Variants in KCNQ2 observed in about 807,000 individuals in gnomAD.
The protein encoded by KCNQ2 is potassium voltage-gated channel subfamily Q member 2.
Under a neutral mutation model 84.8 loss-of-function variants are expected in KCNQ2, and 14 were observed. The ratio of observed to expected loss-of-function variants is 0.17; its 90% CI spans 0.11 to 0.26. The LOEUF (loss-of-function observed/expected upper bound fraction) is 0.26. Among genes scored for constraint, KCNQ2 ranks in the 10% least tolerant of loss-of-function variants. KCNQ2 has a pLI of 1.00. For missense variants in KCNQ2, 788 were observed against 1,254.0 expected (o/e 0.63, Z 5.61); for synonymous variants, 599 against 554.1 (o/e 1.08, Z -1.14).
chr20:63,442,927 C>T (rs1467934260), intron 4 of KCNQ2, among the ~76,000 whole-genome samples: 1 of 126,680 alleles, frequency 7.9e-6, no homozygotes, highest in Non-Finnish European at 1.7e-5. Context: ...TCACCACCAT[C>T]ACCATCACCA....
Position 63,406,542 on chromosome 20 carries a change from T to A in KCNQ2, c.*102A>T. ...CCAGGGCCCACCCTTCCCGCCACACTCAGTTACTGTAAGAAAAGGGCCCCA... is the reference window on the plus strand; with the variant it reads ...CCAGGGCCCACCCTTCCCGCCACACACAGTTACTGTAAGAAAAGGGCCCCA... On this transcript the variant is annotated 3_prime_UTR_variant, in exon 17 of 17. Coordinates refer to ENST00000359125, the MANE Select transcript of KCNQ2 (RefSeq NM_172107.4). The A allele has an allele frequency of 7.4e-7, 1 of 1,354,720 alleles. No homozygotes were observed. Among genetic ancestry groups the A allele is most frequent in the Non-Finnish European group, 9.8e-7 (1 of 1,023,248 alleles). The allele number at this position is 1,354,720 out of a possible 1,614,324, so 83.9% of individuals were successfully genotyped here.
Position 63,424,009 on chromosome 20 carries a change from G to A in KCNQ2, c.1247+168C>T, listed in dbSNP as rs1304203067. 1.0e-5 allele frequency: 7 copies of A among 687,002 alleles called. No individual in the cohort carries two copies. In the East Asian group the frequency reaches 1.9e-4, roughly 19 times the overall value. 42.6% of individuals were successfully genotyped at this position (687,002 alleles called of 1,614,324 possible). On this transcript the variant is annotated intron_variant, in intron 11 of 16. Coordinates refer to ENST00000359125, the MANE Select transcript of KCNQ2 (RefSeq NM_172107.4). ...GGGGTGAGCAGGAAGAGTGATTTAA[G>A]GGCCCACATCACCGCCAGGCGGGGG...
At chr20:63,454,823 G>C (rs1470896714) in intron 1 of KCNQ2, among the ~76,000 whole-genome samples, 1 of 152,230 alleles carries the variant, frequency 6.6e-6, no homozygotes, top group Non-Finnish European at 1.5e-5. Context: ...CTGCCCATGT[G>C]GCCTCAGGGT....
At position 63,438,149 on chromosome 20, in the gene KCNQ2, TG is replaced by T. The variant is rs1268372763; in HGVS notation, c.1023+475del. 1 of 196,450 alleles carries T rather than the reference TG, an allele frequency of 5.1e-6. No homozygotes were observed. The highest frequency in any genetic ancestry group is 2.3e-5 in the African/African-American group (1 of 43,302). 12.2% of individuals were successfully genotyped at this position (196,450 alleles called of 1,614,324 possible). A position where few individuals can be genotyped will look rare whatever the true frequency, so the allele number is the denominator to read the frequency against. On this transcript the variant is annotated intron_variant, in intron 7 of 16. Transcript: ENST00000359125. The surrounding 1 kb of genome is among the most constrained non-coding windows in gnomAD (Gnocchi z 5.1). ...TTCAAGGTGGCTCAGGAATTACTTG[TG>T]GATGCCACAGTGGTCACTGCACGCT...
chr20:63,442,264 A>T, intron 5 of KCNQ2, 142 bp downstream of exon 5: 2 of 767,274 alleles, frequency 2.6e-6, no homozygotes, highest in Non-Finnish European at 3.8e-6. Context: ...CGCCTCGACC[A>T]CAAGCCATCA....
Position 63,408,640 on chromosome 20 carries a change from G to A in KCNQ2, c.1764-104C>T. On this transcript the variant is annotated intron_variant, in intron 15 of 16. Coordinates refer to ENST00000359125, the MANE Select transcript of KCNQ2 (RefSeq NM_172107.4). This position sits in a 1 kb window ranked among gnomAD's most constrained non-coding sequence, Gnocchi z 5.0. ...ACAGTGCCCCTGGGTCTAGGCTGCA[G>A]GCTCAGCCCAGAGCCGACCAGGGGG... The A allele has an allele frequency of 6.5e-7, 1 of 1,532,226 alleles. No individual in the cohort carries two copies. Among genetic ancestry groups the A allele is most frequent in the Non-Finnish European group, 8.8e-7 (1 of 1,137,236 alleles). 94.9% of individuals were successfully genotyped at this position (1,532,226 alleles called of 1,614,324 possible).
rs1160563941 is a variant in KCNQ2, at chr20:63,405,672, T to C, written c.*972A>G. On this transcript the variant is annotated 3_prime_UTR_variant, in exon 17 of 17. Transcript: ENST00000359125. ...GAGGTGGGGCCCTGGCTAAGAACTG[T>C]GAGGCCTGCTCACCAGGTGGGTCTC... 2.6e-5 allele frequency: 4 copies of C among 152,278 alleles called. No homozygotes were observed. The highest frequency in any genetic ancestry group is 2.6e-4 in the Admixed American group (4 of 15,278). The allele number at this position is 152,278 out of a possible 1,614,324, so 9.4% of individuals were successfully genotyped here. A position where few individuals can be genotyped will look rare whatever the true frequency, so the allele number is the denominator to read the frequency against.
rs989634294 is a variant in KCNQ2, at chr20:63,472,563, G to C, written c.-100C>G. On this transcript the variant is annotated 5_prime_UTR_variant, in exon 1 of 17. Transcript: ENST00000359125. ...AGCCCAGGCCCCCCGGCCGGGAGCC[G>C]CATGGCCGAGGCGGCGGTTCCGCAC... is the stretch of plus-strand genomic sequence containing the variant. 7 of 1,060,290 alleles carry C rather than the reference G, an allele frequency of 6.6e-6. No individual in the cohort carries two copies. Among genetic ancestry groups the C allele is most frequent in the Admixed American group, 4.6e-5 (1 of 21,640 alleles). The allele number at this position is 1,060,290 out of a possible 1,614,324, so 65.7% of individuals were successfully genotyped here. A position where few individuals can be genotyped will look rare whatever the true frequency, so the allele number is the denominator to read the frequency against.
chr20:63,431,982 AGGGAAGGCCCCACCCT>A (rs2080807723), intron 8 of KCNQ2, among the ~76,000 whole-genome samples: 2 of 145,464 alleles, frequency 1.4e-5, no homozygotes, highest in Admixed American at 6.8e-5. Context: ...CCCCACCCGC[AGGGAAGGCCCCACCCT>A]CAGGGAAGGC....
chr20:63,440,295 G>C (rs150763210), intron 5 of KCNQ2, among the ~76,000 whole-genome samples: 2 of 152,262 alleles, frequency 1.3e-5, no homozygotes, highest in African/African-American at 4.8e-5. Flanking sequence ...ACCTCCCCAA[G>C]GGTCCCGGTG....
intron 10 of KCNQ2, among the ~76,000 whole-genome samples, chr20:63,426,370 T>C (rs1317649232): frequency 1.3e-5 from 2 of 152,216 alleles, no homozygotes; most frequent in Non-Finnish European, 2.9e-5. Flanking sequence ...GCCACACCTG[T>C]GGGCTTCTCT....
At chr20:63,410,602 C>T (rs1172979146) in intron 15 of KCNQ2, among the ~76,000 whole-genome samples, 3 of 152,152 alleles carry the variant, frequency 2.0e-5, no homozygotes, top group East Asian at 1.9e-4. Context: ...CGGCAAACTC[C>T]GTCCGGGGCT....
Position 63,438,853 on chromosome 20 carries a change from C to A in KCNQ2, c.928-133G>T. 1.4e-6 allele frequency: 1 copy of A among 693,212 alleles called. No homozygotes were observed. The highest frequency in any genetic ancestry group is 1.5e-5 in the South Asian group (1 of 65,328). The allele number at this position is 693,212 out of a possible 1,614,324, so 42.9% of individuals were successfully genotyped here. A position where few individuals can be genotyped will look rare whatever the true frequency, so the allele number is the denominator to read the frequency against. On this transcript the variant is annotated intron_variant, in intron 6 of 16. Transcript: ENST00000359125. The surrounding 1 kb of genome is among the most constrained non-coding windows in gnomAD (Gnocchi z 5.1). Reference sequence around the variant, plus strand: ...AGACCACACTCCAGAGACTCACACACCCCCCAATTCATCAGGGTCAGACCA... The same window carrying A: ...AGACCACACTCCAGAGACTCACACAACCCCCAATTCATCAGGGTCAGACCA...
At position 63,406,779 on chromosome 20, in the gene KCNQ2, G is replaced by C. The variant is rs1011124542; in HGVS notation, c.2484C>G (p.Ala828=). 2 of 1,612,602 alleles carry C rather than the reference G, an allele frequency of 1.2e-6. No homozygotes were observed. Among genetic ancestry groups the C allele is most frequent in the Non-Finnish European group, 8.5e-7 (1 of 1,179,874 alleles). The change falls in exon 17 of 17, where the codon GCC becomes GCG. Residue 828 remains alanine, a synonymous_variant. Coordinates refer to ENST00000359125, the MANE Select transcript of KCNQ2 (RefSeq NM_172107.4). ...CCTCCGCAATGTAGGGCCTGACTTT[G>C]GCACAAGGCGCCACGGCCGCGTAGC... is the stretch of plus-strand genomic sequence containing the variant. The part of the protein sequence containing the change: ...NSCYAAVAPC[A]KVRPYIAEGE...
At chr20:63,427,167 A>G (rs774853529) in intron 10 of KCNQ2, among the ~76,000 whole-genome samples, 34 of 152,262 alleles carry the variant, frequency 2.2e-4, no homozygotes, top group Non-Finnish European at 5.0e-4. Context: ...GGTTGCAGTG[A>G]GCCAAGATCG....
intron 2 of KCNQ2, among the ~76,000 whole-genome samples, chr20:63,445,933 G>A (rs56342703): frequency 3.6e-3 from 145 of 40,168 alleles, no homozygotes; most frequent in Middle Eastern, 0.033. Flanking sequence ...CTGAGCTGGG[G>A]GACCCTGTCT....
At chr20:63,465,230 A>G (rs913693379) in intron 1 of KCNQ2, among the ~76,000 whole-genome samples, 1 of 152,244 alleles carries the variant, frequency 6.6e-6, no homozygotes, top group Admixed American at 6.5e-5. Flanking sequence ...CCAGCTTCAG[A>G]AAACAAAAAG....
Position 63,438,238 on chromosome 20 carries a change from A to ACCCCC in KCNQ2, c.1023+386_1023+387insGGGGG. 3.0e-6 allele frequency: 1 copy of ACCCCC among 337,584 alleles called. No individual in the cohort carries two copies. Among genetic ancestry groups the ACCCCC allele is most frequent in the Non-Finnish European group, 5.7e-6 (1 of 175,360 alleles). The allele number at this position is 337,584 out of a possible 1,614,324, so 20.9% of individuals were successfully genotyped here. ...CCGGGCGGGCATCATGGGGGCCCAC[A>ACCCCC]GCCAGCATCAGGGGTCAGACGAGGT... is the stretch of plus-strand genomic sequence containing the variant. On this transcript the variant is annotated intron_variant, in intron 7 of 16. Transcript: ENST00000359125. This position sits in a 1 kb window ranked among gnomAD's most constrained non-coding sequence, Gnocchi z 5.1.
At chr20:63,462,986 C>T (rs958512514) in intron 1 of KCNQ2, among the ~76,000 whole-genome samples, 3 of 152,000 alleles carry the variant, frequency 2.0e-5, no homozygotes, top group Admixed American at 2.0e-4. Flanking sequence ...GATGGGGCAG[C>T]GCAGAGGGGG....
Sources: allele counts gnomAD v4.1 joint callset (sites outside exome capture counted in the v4.1 genomes callset), GRCh38; gene constraint gnomAD v4.1.1; non-coding constraint Gnocchi (gnomAD v3.1); transcripts MANE v1.5; gene names NCBI Gene and HGNC (gene_info 2026-07-23, HGNC 2026-07-21).